The following SPATS2 variants were observed in gnomAD, a reference collection of about 807,000 sequenced individuals.
SPATS2 encodes spermatogenesis associated serine rich 2, also known as spermatogenesis-associated serine-rich protein 2.
In SPATS2, 38 loss-of-function variants were observed where a neutral mutation model predicts 63.7. The observed-to-expected ratio is 0.60, with a 90% CI of 0.46 to 0.78. The LOEUF (loss-of-function observed/expected upper bound fraction) is 0.78. Among genes scored for constraint, SPATS2 ranks in the 30% least tolerant of loss-of-function variants. SPATS2 has a pLI of 0.00. For synonymous variants in SPATS2, 207 were observed against 232.9 expected (o/e 0.89, Z 1.01); for missense variants, 588 against 666.2 (o/e 0.88, Z 1.29).
intron 10 of SPATS2, among the ~76,000 whole-genome samples, chr12:49,518,603 A>C (rs1946887740): frequency 6.6e-6 from 1 of 152,238 alleles, no homozygotes; most frequent in South Asian, 2.1e-4. Context: ...ATTTGTGAGA[A>C]GGGAAAAAAG....
rs534467016 is a variant in SPATS2, at chr12:49,452,145, T to C, written c.-243-8625T>C. Among the ~76,000 whole-genome samples, 369 of 152,232 alleles carry C rather than the reference T, an allele frequency of 2.4e-3. 1 individual carries two copies. The highest frequency in any genetic ancestry group is 8.4e-3 in the African/African-American group (351 of 41,554). On this transcript the variant is annotated intron_variant, in intron 2 of 13. Transcript: ENST00000552918. ...AGCTTCCTGACTCTGTAGATACATT[T>C]AAAAAAAATCAAGTTGCAAATTGTT...
chr12:49,418,108 GTTTTTT>G (rs760281633), intron 2 of SPATS2, among the ~76,000 whole-genome samples: 1 of 76,060 alleles, frequency 1.3e-5, no homozygotes, highest in African/African-American at 6.5e-5. Flanking sequence ...AAATGACTCA[GTTTTTT>G]TTTTTTTTTT....
chr12:49,423,363 C>T (rs1489754154), intron 2 of SPATS2, among the ~76,000 whole-genome samples: 1 of 152,132 alleles, frequency 6.6e-6, no homozygotes, highest in Non-Finnish European at 1.5e-5. Flanking sequence ...AACTCCTGAC[C>T]TCAAGTGATC....
At chr12:49,467,486 T>C (rs1354720020) in intron 3 of SPATS2, among the ~76,000 whole-genome samples, 1 of 152,190 alleles carries the variant, frequency 6.6e-6, no homozygotes, top group African/African-American at 2.4e-5. Context: ...CACAGATTGC[T>C]AATGCACTTT....
At chr12:49,420,386 G>A (rs1944959460) in intron 2 of SPATS2, among the ~76,000 whole-genome samples, 1 of 152,166 alleles carries the variant, frequency 6.6e-6, no homozygotes, top group Admixed American at 6.5e-5. Context: ...CTGAGGTGAG[G>A]AGTTTGAGAC....
At chr12:49,515,136 A>G (rs1241447955) in intron 10 of SPATS2, among the ~76,000 whole-genome samples, 6 of 152,224 alleles carry the variant, frequency 3.9e-5, no homozygotes. Context: ...AGGTTTCTTG[A>G]AAGCTTACTA....
Position 49,461,192 on chromosome 12 carries a change from G to A in SPATS2, c.25+155G>A, listed in dbSNP as rs1475648397. ...ATCGCTTTGTGTATTACTAGTCTGGGAATTAATTCATATAACAATAGCTTT... is the reference window on the plus strand; with the variant it reads ...ATCGCTTTGTGTATTACTAGTCTGGAAATTAATTCATATAACAATAGCTTT... On this transcript the variant is annotated intron_variant, in intron 3 of 13. Transcript: ENST00000552918. 6.7e-6 allele frequency: 5 copies of A among 744,950 alleles called. No homozygotes were observed. The East Asian group carries it at 1.4e-4, about 21-fold the overall frequency. 46.1% of individuals were successfully genotyped at this position (744,950 alleles called of 1,614,324 possible).
intron 3 of SPATS2, among the ~76,000 whole-genome samples, chr12:49,482,661 C>G (rs1436211126): frequency 6.6e-6 from 1 of 152,170 alleles, no homozygotes; most frequent in South Asian, 2.1e-4. Flanking sequence ...CATTCGCTTC[C>G]TCTTTGGGAT....
intron 2 of SPATS2, among the ~76,000 whole-genome samples, chr12:49,376,016 C>T (rs1278360427): frequency 6.6e-6 from 1 of 151,242 alleles, no homozygotes; most frequent in Non-Finnish European, 1.5e-5. Context: ...TCTCAAACAC[C>T]TGGCCTCAAA....
chr12:49,519,242 T>G lies in SPATS2; in HGVS notation c.1008+60T>G, dbSNP rs573452621. On this transcript the variant is annotated intron_variant, in intron 11 of 13. Transcript: ENST00000552918. ...ATCCTCAGGGGCTAAAGTAAGAAAT[T>G]TTCATAATTCATGGCCATATCTAAT... The G allele has an allele frequency of 2.0e-5, 28 of 1,395,582 alleles. No homozygotes were observed. In the South Asian group the frequency reaches 3.2e-4, roughly 16 times the overall value. The allele number at this position is 1,395,582 out of a possible 1,614,324, so 86.4% of individuals were successfully genotyped here. A position where few individuals can be genotyped will look rare whatever the true frequency, so the allele number is the denominator to read the frequency against.
chr12:49,383,299 G>A (rs568181704), intron 2 of SPATS2, among the ~76,000 whole-genome samples: 2 of 152,172 alleles, frequency 1.3e-5, no homozygotes, highest in Admixed American at 1.3e-4. Flanking sequence ...GATTACAGGT[G>A]TGAGACACCA....
chr12:49,469,696 G>A, intron 3 of SPATS2: 1 of 352,882 alleles, frequency 2.8e-6, no homozygotes, highest in Non-Finnish European at 5.4e-6. Flanking sequence ...TTCAAGACCA[G>A]CCTGGCCAAC....
intron 2 of SPATS2, among the ~76,000 whole-genome samples, chr12:49,405,498 AAC>A (rs1414756040): frequency 6.6e-6 from 1 of 152,140 alleles, no homozygotes; most frequent in Non-Finnish European, 1.5e-5. Flanking sequence ...AGGAGTTTAA[AAC>A]ACAGCCTGGC....
chr12:49,422,378 TC>T (rs1944998313), intron 2 of SPATS2, among the ~76,000 whole-genome samples: 1 of 152,206 alleles, frequency 6.6e-6, no homozygotes, highest in Non-Finnish European at 1.5e-5. Context: ...TAGTTTCTTA[TC>T]TGTTCCTCTC....
intron 4 of SPATS2, among the ~76,000 whole-genome samples, chr12:49,487,117 A>G (rs1946308112): frequency 6.6e-6 from 1 of 152,208 alleles, no homozygotes. Flanking sequence ...AAACCATTGA[A>G]TAAAATTTAA....
chr12:49,460,009 G>T (rs1044308703), intron 2 of SPATS2, among the ~76,000 whole-genome samples: 2 of 151,490 alleles, frequency 1.3e-5, no homozygotes, highest in African/African-American at 2.4e-5. Context: ...TTGGGAGGCC[G>T]AGGCAGGAGA....
intron 9 of SPATS2, among the ~76,000 whole-genome samples, chr12:49,513,217 G>GTT (rs1565759152): frequency 6.6e-6 from 1 of 150,880 alleles, no homozygotes; most frequent in African/African-American, 2.5e-5. Context: ...AAGAGTGTGT[G>GTT]TGTGTGTGTG....
intron 3 of SPATS2, chr12:49,462,162 C>A: frequency 1.7e-6 from 1 of 599,750 alleles, no homozygotes. Flanking sequence ...TATTTCATGT[C>A]TGTGTTTTGC....
chr12:49,396,491 G>A (rs1333131012), intron 2 of SPATS2, among the ~76,000 whole-genome samples: 2 of 152,156 alleles, frequency 1.3e-5, no homozygotes, highest in Non-Finnish European at 2.9e-5. Flanking sequence ...GATTGTGGAA[G>A]CTTCCCTACT....
Sources: gnomAD v4.1 joint callset for allele counts (sites outside exome capture counted in the v4.1 genomes callset) on GRCh38, gnomAD v4.1.1 for gene constraint, MANE v1.5 for transcripts, NCBI Gene and HGNC (gene_info 2026-07-23, HGNC 2026-07-21) for gene names.